The following GLRA3 variants were observed in gnomAD, a reference collection of about 807,000 sequenced individuals.
GLRA3 encodes glycine receptor alpha 3.
GLRA3 carries 44 observed loss-of-function variants against 60.4 expected under a neutral mutation model. That is an observed-to-expected ratio of 0.73 (90% CI 0.57 to 0.94). GLRA3 has a LOEUF of 0.94. Among genes scored for constraint, GLRA3 ranks in the 40% least tolerant of loss-of-function variants. The pLI is 0.00. For synonymous variants in GLRA3, 223 were observed against 192.9 expected, an observed-to-expected ratio of 1.16 and a Z score of -1.29; for missense variants, 508 against 564.6, an observed-to-expected ratio of 0.90 and a Z score of 1.02.
chr4:174,643,626 A>G lies in GLRA3; in HGVS notation c.*160T>C. 7.2e-7 allele frequency: 1 copy of G among 1,379,368 alleles called. No homozygotes were observed. The highest frequency in any genetic ancestry group is 2.5e-5 in the East Asian group (1 of 40,530). The allele number at this position is 1,379,368 out of a possible 1,614,324, so 85.4% of individuals were successfully genotyped here. On this transcript the variant is annotated 3_prime_UTR_variant, in exon 10 of 10. Coordinates refer to ENST00000274093, the MANE Select transcript of GLRA3 (RefSeq NM_006529.4). ...TCATTAAAAGAATCTCATCTTTCTC[A>G]TGACTTTGCATAGCTAACCAAAATA...
chr4:174,736,129 T>C (rs910594653), intron 3 of GLRA3, among the ~76,000 whole-genome samples: 1 of 152,152 alleles, frequency 6.6e-6, no homozygotes, highest in Admixed American at 6.5e-5. Flanking sequence ...AAGAGTGTCA[T>C]AGAATCATAA....
chr4:174,774,776 CAG>C (rs1466042717), intron 2 of GLRA3, among the ~76,000 whole-genome samples: 5 of 152,050 alleles, frequency 3.3e-5, no homozygotes, highest in Non-Finnish European at 4.4e-5. Flanking sequence ...AATAAATTAT[CAG>C]AGAGTGGATG....
intron 1 of GLRA3, among the ~76,000 whole-genome samples, chr4:174,826,454 G>A (rs1740970881): frequency 6.6e-6 from 1 of 152,120 alleles, no homozygotes. Flanking sequence ...TGGGGTGAGT[G>A]CTTCTGTGAC....
chr4:174,682,352 G>C (rs1734378350), intron 6 of GLRA3, among the ~76,000 whole-genome samples: 1 of 151,786 alleles, frequency 6.6e-6, no homozygotes, highest in South Asian at 2.1e-4. Flanking sequence ...TAGATGCTTA[G>C]GTAAAAATAC....
At chr4:174,663,276 T>C (rs1218096467) in intron 7 of GLRA3, among the ~76,000 whole-genome samples, 1 of 152,120 alleles carries the variant, frequency 6.6e-6, no homozygotes, top group Admixed American at 6.6e-5. Context: ...CAAGTATAGA[T>C]TTAAATCTCA....
chr4:174,683,214 TCTTTC>T (rs1210301978), intron 5 of GLRA3, among the ~76,000 whole-genome samples: 1 of 152,244 alleles, frequency 6.6e-6, no homozygotes, highest in African/African-American at 2.4e-5. Flanking sequence ...GCATATACAT[TCTTTC>T]CTTGGGATGG....
In GLRA3 at chr4:174,643,774, G is replaced by A. The variant is rs755793109; in HGVS notation, c.*12C>T. The A allele has an allele frequency of 6.2e-7, 1 of 1,605,706 alleles. No homozygotes were observed. The highest frequency in any genetic ancestry group is 1.1e-5 in the South Asian group (1 of 90,446). ...CTGAATTGACCATTTGCATTTGCAT[G>A]CCCCCAGAGACTTAATCTTGCTGCT... On this transcript the variant is annotated 3_prime_UTR_variant, in exon 10 of 10. Transcript: ENST00000274093.
At chr4:174,680,704 G>A (rs186601449) in intron 6 of GLRA3, among the ~76,000 whole-genome samples, 205 of 152,260 alleles carry the variant, frequency 1.3e-3, no homozygotes, top group African/African-American at 4.5e-3. Context: ...CAGATCATAG[G>A]ATGCTGTAGC....
At chr4:174,698,971 CCT>C (rs1233848734) in intron 5 of GLRA3, among the ~76,000 whole-genome samples, 1 of 151,290 alleles carries the variant, frequency 6.6e-6, no homozygotes, top group Admixed American at 6.6e-5. Flanking sequence ...CCACATTGTT[CCT>C]CTCAGGTCTC....
Position 174,728,685 on chromosome 4 carries a change from T to A in GLRA3, c.281A>T (p.Asn94Ile). Residue 94 changes from asparagine to isoleucine, a missense_variant, in exon 4 of 10, where the codon AAT becomes ATT. Around this residue, in one of 3 missense-constraint regions of GLRA3, gnomAD observed 329 missense variants for 349.3 expected, o/e 0.94. Coordinates refer to ENST00000274093, the MANE Select transcript of GLRA3 (RefSeq NM_006529.4). ...IAETTMDYRV[N>I]IFLRQKWNDP... ...ATTCCATTTCTGACGAAGAAAGATA[T>A]TCACTCTGTAATCCTATGATAAAAT... The A allele has an allele frequency of 6.3e-7, 1 of 1,581,398 alleles. No individual in the cohort carries two copies. The highest frequency in any genetic ancestry group is 8.7e-7 in the Non-Finnish European group (1 of 1,152,372).
At chr4:174,788,654 A>C (rs1196246106) in intron 2 of GLRA3, among the ~76,000 whole-genome samples, 162 bp downstream of exon 2, 2 of 151,498 alleles carry the variant, frequency 1.3e-5, no homozygotes, top group Non-Finnish European at 3.0e-5. Flanking sequence ...ATAATTGAGA[A>C]CATGGGAATG....
intron 6 of GLRA3, 34 bp downstream of exon 6, chr4:174,682,768 G>A (rs1184600510): frequency 2.7e-6 from 4 of 1,475,172 alleles, no homozygotes; most frequent in Non-Finnish European, 3.7e-6. Context: ...AAAACCACAA[G>A]TAGTAAGTGT....
intron 1 of GLRA3, among the ~76,000 whole-genome samples, chr4:174,797,768 CAAAAAAATCAAAAATTAGCTG>C (rs1739628730): frequency 6.6e-6 from 1 of 151,308 alleles, no homozygotes; most frequent in Non-Finnish European, 1.5e-5. Flanking sequence ...CTCTTCTCTA[CAAAAAAATCAAAAATTAGCTG>C]AAGAGATAGC....
At chr4:174,652,237 G>C (rs1733046219) in intron 9 of GLRA3, among the ~76,000 whole-genome samples, 1 of 151,902 alleles carries the variant, frequency 6.6e-6, no homozygotes, top group Non-Finnish European at 1.5e-5. Flanking sequence ...TTTTTTTTGA[G>C]ATAATTTAAT....
intron 7 of GLRA3, among the ~76,000 whole-genome samples, chr4:174,660,050 A>G (rs1022033954): frequency 1.3e-5 from 2 of 151,410 alleles, no homozygotes; most frequent in East Asian, 1.9e-4. Flanking sequence ...TTGTGTGTGT[A>G]TGTGTGTGTA....
At chr4:174,782,787 A>C (rs1738941018) in intron 2 of GLRA3, among the ~76,000 whole-genome samples, 1 of 152,008 alleles carries the variant, frequency 6.6e-6, no homozygotes, top group African/African-American at 2.4e-5. Flanking sequence ...CTTCAAGGAG[A>C]ACTACAAACC....
At chr4:174,761,672 A>G (rs1737947742) in intron 3 of GLRA3, among the ~76,000 whole-genome samples, 1 of 152,188 alleles carries the variant, frequency 6.6e-6, no homozygotes. Context: ...TTGAAGATAG[A>G]TAAAACCAAT....
At chr4:174,766,405 G>A (rs1446686802) in intron 3 of GLRA3, among the ~76,000 whole-genome samples, 3 of 152,056 alleles carry the variant, frequency 2.0e-5, no homozygotes, top group South Asian at 4.1e-4. Context: ...GTGCTCTTTA[G>A]AAAAAGCTAT....
intron 1 of GLRA3, among the ~76,000 whole-genome samples, chr4:174,800,239 A>G (rs1013786832): frequency 3.3e-5 from 5 of 152,144 alleles, no homozygotes; most frequent in African/African-American, 1.2e-4. Context: ...AATAAATGCA[A>G]AAAGAAAAAT....
Sources: allele counts gnomAD v4.1 joint callset (sites outside exome capture counted in the v4.1 genomes callset), GRCh38; gene constraint gnomAD v4.1.1; regional missense constraint gnomAD v4.1.1; transcripts MANE v1.5; gene names NCBI Gene and HGNC (gene_info 2026-07-23, HGNC 2026-07-21).